The following KCTD8 variants were observed in gnomAD, a reference collection of about 807,000 sequenced individuals.
KCTD8 encodes potassium channel tetramerization domain containing 8, also known as BTB/POZ domain-containing protein KCTD8.
Under a neutral mutation model 31.5 loss-of-function variants are expected in KCTD8, and 27 were observed. The observed-to-expected ratio is 0.86, with a 90% confidence interval of 0.63 to 1.18. KCTD8 has a LOEUF of 1.18. Ranked by LOEUF, KCTD8 falls within the 50% of genes most tolerant of loss-of-function variation. The pLI is 0.00. For synonymous variants in KCTD8, 290 were observed against 280.0 expected, an observed-to-expected ratio of 1.04 and a Z score of -0.36; for missense variants, 658 against 647.7, an observed-to-expected ratio of 1.02 and a Z score of -0.17.
At chr4:44,239,779 G>C (rs1482922272) in intron 1 of KCTD8, among the ~76,000 whole-genome samples, 1 of 152,054 alleles carries the variant, frequency 6.6e-6, no homozygotes, top group Non-Finnish European at 1.5e-5. Context: ...TTTGTCTCAC[G>C]TTTACTGTGG....
In KCTD8 at chr4:44,194,261, C is replaced by A. The variant is rs1012451316; in HGVS notation, c.962-19011G>T. ...GAGATGCCTTGAACTTTTCCTGTCA[C>A]TTTATAGTGCACTTTAGTCTAAACC... On this transcript the variant is annotated intron_variant, in intron 1 of 1. Transcript: ENST00000360029. Among the ~76,000 whole-genome samples, 4 of 152,156 alleles carry A rather than the reference C, an allele frequency of 2.6e-5. No homozygotes were observed. In the South Asian group the frequency reaches 8.3e-4, roughly 32 times the overall value.
intron 1 of KCTD8, among the ~76,000 whole-genome samples, chr4:44,346,611 T>C (rs16856854): frequency 0.029 from 4,476 of 152,192 alleles, 235 homozygotes; most frequent in African/African-American, 0.1. Flanking sequence ...ACTAAAAATA[T>C]ATGCACATAC....
intron 1 of KCTD8, among the ~76,000 whole-genome samples, chr4:44,207,989 C>T (rs191123288): frequency 6.6e-6 from 1 of 152,248 alleles, no homozygotes; most frequent in East Asian, 1.9e-4. Context: ...AATGATCCCA[C>T]TTGACCTATT....
At chr4:44,242,672 C>T (rs1715541138) in intron 1 of KCTD8, among the ~76,000 whole-genome samples, 1 of 151,886 alleles carries the variant, frequency 6.6e-6, no homozygotes, top group African/African-American at 2.4e-5. Context: ...AATTTAATTC[C>T]CCAGTATTGG....
intron 1 of KCTD8, among the ~76,000 whole-genome samples, chr4:44,434,932 T>C (rs1023331144): frequency 6.6e-6 from 1 of 151,950 alleles, no homozygotes; most frequent in African/African-American, 2.4e-5. Flanking sequence ...TATTACAATT[T>C]ACAGGCATTA....
intron 1 of KCTD8, among the ~76,000 whole-genome samples, chr4:44,193,464 T>A (rs1337889926): frequency 6.6e-6 from 1 of 152,174 alleles, no homozygotes; most frequent in East Asian, 1.9e-4. Context: ...TAAAACCAGC[T>A]TTCTTTAAAT....
At chr4:44,205,196 C>T (rs1387949) in intron 1 of KCTD8, among the ~76,000 whole-genome samples, 67,100 of 151,838 alleles carry the variant, frequency 0.44, 15,134 homozygotes, top group East Asian at 0.55. Context: ...AAAGGAAACA[C>T]GTAAGAATAA....
chr4:44,359,728 A>G (rs1719448496), intron 1 of KCTD8, among the ~76,000 whole-genome samples: 1 of 152,164 alleles, frequency 6.6e-6, no homozygotes, highest in Non-Finnish European at 1.5e-5. Context: ...ATTTAAGCTT[A>G]GATAAAACTT....
chr4:44,328,136 T>G (rs1718497382), intron 1 of KCTD8, among the ~76,000 whole-genome samples: 1 of 151,946 alleles, frequency 6.6e-6, no homozygotes, highest in African/African-American at 2.4e-5. Flanking sequence ...AATTATTTCC[T>G]GTAGAAGGCA....
At chr4:44,288,441 C>T (rs951653461) in intron 1 of KCTD8, among the ~76,000 whole-genome samples, 3 of 152,088 alleles carry the variant, frequency 2.0e-5, no homozygotes, top group South Asian at 2.1e-4. Context: ...AATAGTGATA[C>T]ATCAAAAATA....
At chr4:44,198,361 C>T (rs182608929) in intron 1 of KCTD8, among the ~76,000 whole-genome samples, 102 of 152,176 alleles carry the variant, frequency 6.7e-4, no homozygotes, top group Non-Finnish European at 3.5e-4. Context: ...TCATCAGACT[C>T]ACTAAGACAA....
At chr4:44,436,763 A>G (rs556298685) in intron 1 of KCTD8, among the ~76,000 whole-genome samples, 1 of 152,064 alleles carries the variant, frequency 6.6e-6, no homozygotes, top group Non-Finnish European at 1.5e-5. Flanking sequence ...TTTTTCCTTG[A>G]TGTTTAAATT....
chr4:44,343,252 G>T (rs1718950570), intron 1 of KCTD8, among the ~76,000 whole-genome samples: 1 of 152,132 alleles, frequency 6.6e-6, no homozygotes, highest in Non-Finnish European at 1.5e-5. Flanking sequence ...TTAGTAATTG[G>T]CCTGATTACA....
intron 1 of KCTD8, among the ~76,000 whole-genome samples, chr4:44,254,917 TA>T (rs1715949176): frequency 6.6e-6 from 1 of 151,882 alleles, no homozygotes; most frequent in Non-Finnish European, 1.5e-5. Flanking sequence ...ACATTTTATT[TA>T]TAATTTGGCT....
At chr4:44,401,476 A>G (rs1227153258) in intron 1 of KCTD8, among the ~76,000 whole-genome samples, 1 of 152,176 alleles carries the variant, frequency 6.6e-6, no homozygotes, top group African/African-American at 2.4e-5. Flanking sequence ...TTGGGAGAAC[A>G]TATCACAGAC....
chr4:44,271,208 G>T (rs961000876), intron 1 of KCTD8, among the ~76,000 whole-genome samples: 7 of 152,076 alleles, frequency 4.6e-5, no homozygotes, highest in Admixed American at 4.6e-4. Flanking sequence ...TATCAGAAGA[G>T]ATAATGCACT....
intron 1 of KCTD8, among the ~76,000 whole-genome samples, chr4:44,220,046 A>G (rs1714763646): frequency 6.6e-6 from 1 of 152,226 alleles, no homozygotes; most frequent in Non-Finnish European, 1.5e-5. Flanking sequence ...ATAGTAAAGC[A>G]GGAAAGGTTA....
intron 1 of KCTD8, among the ~76,000 whole-genome samples, chr4:44,279,238 G>C (rs1716832288): frequency 6.6e-6 from 1 of 152,006 alleles, no homozygotes; most frequent in Admixed American, 6.6e-5. Flanking sequence ...AAAAGTTCAG[G>C]CGCAGTGTGG....
chr4:44,201,794 T>A (rs1714159013), intron 1 of KCTD8, among the ~76,000 whole-genome samples: 1 of 152,114 alleles, frequency 6.6e-6, no homozygotes, highest in Non-Finnish European at 1.5e-5. Flanking sequence ...AAATTGACAG[T>A]GTGACCTAAT....
Sources: allele counts gnomAD v4.1 joint callset (sites outside exome capture counted in the v4.1 genomes callset), GRCh38; gene constraint gnomAD v4.1.1; transcripts MANE v1.5; gene names NCBI Gene and HGNC (gene_info 2026-07-23, HGNC 2026-07-21).